PLA2G4A: variants seen among roughly 807,000 people sequenced by gnomAD.
The protein encoded by PLA2G4A is cytosolic phospholipase A2.
Under a neutral mutation model 81.9 loss-of-function variants are expected in PLA2G4A, and 40 were observed. The observed-to-expected ratio is 0.49, with a 90% CI of 0.38 to 0.64. The LOEUF (loss-of-function observed/expected upper bound fraction) is 0.64. Ranked by LOEUF, PLA2G4A falls within the 30% of genes least tolerant of loss-of-function variation. The pLI is 0.00. For synonymous variants in PLA2G4A, 302 were observed against 296.9 expected (o/e 1.02, Z -0.18); for missense variants, 715 against 905.1 (o/e 0.79, Z 2.69).
chr1:186,870,031 T>C (rs1193603451), intron 2 of PLA2G4A, among the ~76,000 whole-genome samples: 1 of 152,210 alleles, frequency 6.6e-6, no homozygotes, highest in Non-Finnish European at 1.5e-5. Context: ...AAAAGACTTT[T>C]GATTGACTGC....
chr1:186,857,136 T>A (rs1306794253), intron 2 of PLA2G4A, among the ~76,000 whole-genome samples: 1 of 43,922 alleles, frequency 2.3e-5, no homozygotes, highest in Non-Finnish European at 5.4e-5. Context: ...TAATATATAT[T>A]ATATAATTAT....
chr1:186,986,381 A>G (rs1021255495), intron 17 of PLA2G4A, among the ~76,000 whole-genome samples: 1 of 152,172 alleles, frequency 6.6e-6, no homozygotes, highest in African/African-American at 2.4e-5. Context: ...GGACACTTTT[A>G]TGCAATGAGG....
At chr1:186,840,492 C>T (rs1248805620) in intron 1 of PLA2G4A, among the ~76,000 whole-genome samples, 1 of 152,106 alleles carries the variant, frequency 6.6e-6, no homozygotes, top group African/African-American at 2.4e-5. Context: ...ATTTAGTGGC[C>T]GAACTTTACA....
At chr1:186,908,583 CAT>C (rs1246397076) in intron 6 of PLA2G4A, among the ~76,000 whole-genome samples, 4 of 151,960 alleles carry the variant, frequency 2.6e-5, no homozygotes, top group Non-Finnish European at 5.9e-5. Flanking sequence ...ACGTATACCA[CAT>C]GTTAATAATG....
chr1:186,909,760 T>G (rs1465507710), intron 6 of PLA2G4A, among the ~76,000 whole-genome samples: 2 of 152,120 alleles, frequency 1.3e-5, no homozygotes, highest in Non-Finnish European at 2.9e-5. Context: ...CCCAATACTT[T>G]TATATACAGT....
chr1:186,864,757 C>A (rs1652954398), intron 2 of PLA2G4A, among the ~76,000 whole-genome samples: 1 of 151,298 alleles, frequency 6.6e-6, no homozygotes, highest in African/African-American at 2.4e-5. Context: ...CTTCTTACTG[C>A]AATAAGAATG....
chr1:186,830,970 CTTTCTTTCTTTCTTTCTT>C (rs1651551535), intron 1 of PLA2G4A, among the ~76,000 whole-genome samples: 1 of 107,262 alleles, frequency 9.3e-6, no homozygotes, highest in Non-Finnish European at 2.0e-5. Context: ...TTCTTTCTTT[CTTTCTTTCTTTCTTTCTT>C]TCTTTCTTTC....
chr1:186,975,200 G>GA (rs1173223624), intron 15 of PLA2G4A, among the ~76,000 whole-genome samples: 1 of 151,886 alleles, frequency 6.6e-6, no homozygotes. Flanking sequence ...TGAATAGAGG[G>GA]AAAAAAAGAA....
At chr1:186,851,458 C>T (rs932579698) in intron 1 of PLA2G4A, among the ~76,000 whole-genome samples, 7 of 151,884 alleles carry the variant, frequency 4.6e-5, no homozygotes, top group Non-Finnish European at 1.0e-4. Flanking sequence ...TTATATCATC[C>T]ATAAAAATAT....
chr1:186,888,438 C>T (rs1402082929), intron 3 of PLA2G4A, among the ~76,000 whole-genome samples: 3 of 152,004 alleles, frequency 2.0e-5, no homozygotes, highest in Non-Finnish European at 4.4e-5. Context: ...CTTGTTTGGG[C>T]CAAGTAGACC....
At chr1:186,979,532 C>A in intron 17 of PLA2G4A, 60 bp downstream of exon 17, 1 of 1,021,618 alleles carries the variant, frequency 9.8e-7, no homozygotes, top group Non-Finnish European at 1.6e-6. Flanking sequence ...ATAAATACAC[C>A]AATACCTCTT....
At chr1:186,846,837 T>G (rs1294406660) in intron 1 of PLA2G4A, among the ~76,000 whole-genome samples, 1 of 152,096 alleles carries the variant, frequency 6.6e-6, no homozygotes, top group Admixed American at 6.6e-5. Context: ...TTAACTATAT[T>G]TTTGAGTTAT....
rs530698747 is a variant in PLA2G4A at position 186,915,054 on chromosome 1, T to A, written c.558+3665T>A. ...CAGGTTCCTATTACTATTATAACTC[T>A]TATTATAAGAGTTTTAAATCCTCCT... On this transcript the variant is annotated intron_variant, in intron 7 of 17. Coordinates refer to ENST00000367466, the MANE Select transcript of PLA2G4A (RefSeq NM_024420.3). Among the ~76,000 whole-genome samples, 17 of 152,246 alleles carry A rather than the reference T, an allele frequency of 1.1e-4. No individual in the cohort carries two copies. The South Asian group carries it at 3.3e-3, about 30-fold the overall frequency.
At chr1:186,941,112 C>CA (rs61665159) in intron 10 of PLA2G4A, among the ~76,000 whole-genome samples, 52,408 of 107,360 alleles carry the variant, frequency 0.49, 12,622 homozygotes, top group African/African-American at 0.67. Flanking sequence ...GACTCCGTCT[C>CA]AAAAAAAAAA....
At chr1:186,885,138 A>G (rs1653887814) in intron 3 of PLA2G4A, among the ~76,000 whole-genome samples, 1 of 152,166 alleles carries the variant, frequency 6.6e-6, no homozygotes, top group Non-Finnish European at 1.5e-5. Context: ...GAAAGCCTAG[A>G]GAAGAAGTAT....
At chr1:186,956,922 C>T (rs1389889592) in intron 14 of PLA2G4A, among the ~76,000 whole-genome samples, 1 of 152,050 alleles carries the variant, frequency 6.6e-6, no homozygotes, top group African/African-American at 2.4e-5. Flanking sequence ...GGAGCAGTGG[C>T]TCACTCCTGT....
intron 15 of PLA2G4A, among the ~76,000 whole-genome samples, chr1:186,975,985 T>G (rs1404243844): frequency 6.6e-6 from 1 of 152,232 alleles, no homozygotes; most frequent in Non-Finnish European, 1.5e-5. Flanking sequence ...TCTCTTATGC[T>G]TAGAACATAA....
At chr1:186,864,328 G>T (rs77536960) in intron 2 of PLA2G4A, among the ~76,000 whole-genome samples, 3 of 151,976 alleles carry the variant, frequency 2.0e-5, no homozygotes, top group Non-Finnish European at 2.9e-5. Flanking sequence ...TAGTAGGATT[G>T]CTGGACCATA....
intron 4 of PLA2G4A, among the ~76,000 whole-genome samples, chr1:186,893,524 C>T (rs1654221795): frequency 6.6e-6 from 1 of 152,146 alleles, no homozygotes; most frequent in African/African-American, 2.4e-5. Context: ...ATATCTTTCT[C>T]ATATTCCAAA....
Sources: allele counts gnomAD v4.1 joint callset (sites outside exome capture counted in the v4.1 genomes callset), GRCh38; gene constraint gnomAD v4.1.1; transcripts MANE v1.5; gene names NCBI Gene and HGNC (gene_info 2026-07-23, HGNC 2026-07-21).